CEP170: variants seen among roughly 807,000 people sequenced by gnomAD.
The protein encoded by CEP170 is centrosomal protein 170, also known as centrosomal protein of 170 kDa.
A neutral mutation model predicts 151.9 loss-of-function variants in CEP170; 21 were observed. The ratio of observed to expected loss-of-function variants is 0.14; its 90% confidence interval spans 0.10 to 0.20. The LOEUF (loss-of-function observed/expected upper bound fraction) is 0.20, where lower values mean the gene tolerates loss of function less well. Among genes scored for constraint, CEP170 ranks in the 10% least tolerant of loss-of-function variants. CEP170 has a pLI of 1.00. For synonymous variants in CEP170, 356 were observed against 648.8 expected, an observed-to-expected ratio of 0.55 and a Z score of 6.86; for missense variants, 964 against 1,892.9, an observed-to-expected ratio of 0.51 and a Z score of 9.11.
chr1:243,178,837 G>T (rs2059426939), intron 10 of CEP170, among the ~76,000 whole-genome samples: 1 of 151,876 alleles, frequency 6.6e-6, no homozygotes. Context: ...TCCTGCCTCA[G>T]CCTCCCGAGT....
At chr1:243,244,857 T>G (rs1175811196) in intron 1 of CEP170, among the ~76,000 whole-genome samples, 2 of 152,132 alleles carry the variant, frequency 1.3e-5, no homozygotes, top group Non-Finnish European at 2.9e-5. Flanking sequence ...ATTAACACAC[T>G]TGTATGTAAA....
At chr1:243,246,226 CTT>C (rs774096892) in intron 1 of CEP170, among the ~76,000 whole-genome samples, 8 of 109,448 alleles carry the variant, frequency 7.3e-5, no homozygotes, top group African/African-American at 1.5e-4. Flanking sequence ...GTGTTGTTTA[CTT>C]TTTTTTTTTT....
chr1:243,157,691 G>A (rs930315491), intron 13 of CEP170, among the ~76,000 whole-genome samples: 3 of 152,142 alleles, frequency 2.0e-5, no homozygotes, highest in African/African-American at 7.2e-5. Flanking sequence ...TGCCTTTTAT[G>A]TCTTTTCCTC....
intron 2 of CEP170, among the ~76,000 whole-genome samples, chr1:243,224,520 C>T (rs952009718): frequency 6.6e-6 from 1 of 152,052 alleles, no homozygotes; most frequent in African/African-American, 2.4e-5. Context: ...TTGTGCTGGG[C>T]CGCATTCAAA....
chr1:243,166,293 T>C lies in CEP170; in HGVS notation c.1844-177A>G, dbSNP rs191871313. ...CTTATATAAAGTGGTATAATATTTG[T>C]ATATAACCTACTCACACCCTCCCAT... On this transcript the variant is annotated intron_variant, in intron 12 of 19. Coordinates refer to ENST00000366542, the MANE Select transcript of CEP170 (RefSeq NM_014812.3). 3.6e-3 allele frequency among the ~76,000 whole-genome samples: 550 copies of C among 152,340 alleles called. 1 individual carries two copies. Among genetic ancestry groups the C allele is most frequent in the African/African-American group, 0.013 (522 of 41,568 alleles).
At chr1:243,229,399 A>G (rs755079977) in intron 1 of CEP170, among the ~76,000 whole-genome samples, 128 of 152,010 alleles carry the variant, frequency 8.4e-4, no homozygotes, top group South Asian at 1.5e-3. Context: ...ACGTTTCGGC[A>G]TTTCAGGTAT....
chr1:243,134,445 A>AAC (rs1421631822), intron 17 of CEP170, among the ~76,000 whole-genome samples: 6 of 152,158 alleles, frequency 3.9e-5, no homozygotes, highest in Admixed American at 1.3e-4. Context: ...AAACACCTTC[A>AAC]ACATTATTTA....
chr1:243,221,959 C>T, intron 2 of CEP170, 146 bp from the exon 3 acceptor site: 1 of 608,818 alleles, frequency 1.6e-6, no homozygotes, highest in Non-Finnish European at 2.6e-6. Flanking sequence ...TAAAACGGTG[C>T]CACTATACAA....
At chr1:243,193,550 C>T (rs2148785507) in intron 7 of CEP170, among the ~76,000 whole-genome samples, 1 of 152,204 alleles carries the variant, frequency 6.6e-6, no homozygotes, top group Non-Finnish European at 1.5e-5. Context: ...GGATATAGCA[C>T]TTATCAAGGT....
chr1:243,209,411 T>C (rs1198470139), intron 4 of CEP170, among the ~76,000 whole-genome samples: 1 of 152,072 alleles, frequency 6.6e-6, no homozygotes, highest in African/African-American at 2.4e-5. Flanking sequence ...GGTCTTGAAC[T>C]CCTGACCTCA....
At position 243,252,194 on chromosome 1, in the gene CEP170, T is replaced by C. The variant is rs183048359; in HGVS notation, c.-42+2846A>G. 1.1e-4 allele frequency among the ~76,000 whole-genome samples: 17 copies of C among 152,316 alleles called. No individual in the cohort carries two copies. The East Asian group carries it at 3.3e-3, about 29-fold the overall frequency. ...TCTTCAAATGGCACGTAACTGCTCT[T>C]TTGTTATACTTCCAGAATAATTTGC... On this transcript the variant is annotated intron_variant, in intron 1 of 19. Transcript: ENST00000366542.
intron 10 of CEP170, among the ~76,000 whole-genome samples, chr1:243,179,884 A>G (rs2059505794): frequency 6.6e-6 from 1 of 152,240 alleles, no homozygotes; most frequent in Non-Finnish European, 1.5e-5. Flanking sequence ...AAAACACAAC[A>G]TGGCAATCTG....
chr1:243,245,517 C>A (rs2065292164), intron 1 of CEP170, among the ~76,000 whole-genome samples: 1 of 152,050 alleles, frequency 6.6e-6, no homozygotes, highest in Non-Finnish European at 1.5e-5. Flanking sequence ...AGTTCAAGAC[C>A]AGCCTGACCA....
At chr1:243,178,047 G>A (rs2059363974) in intron 10 of CEP170, among the ~76,000 whole-genome samples, 1 of 152,124 alleles carries the variant, frequency 6.6e-6, no homozygotes, top group Admixed American at 6.5e-5. Context: ...AAAGGAATGG[G>A]CAGGGAGTGG....
intron 1 of CEP170, among the ~76,000 whole-genome samples, chr1:243,242,441 A>C (rs2064944774): frequency 6.6e-6 from 1 of 151,614 alleles, no homozygotes; most frequent in Non-Finnish European, 1.5e-5. Context: ...GATGGTCTCG[A>C]TCTCCTGACC....
chr1:243,181,199 G>A (rs2059596110), intron 10 of CEP170, among the ~76,000 whole-genome samples: 1 of 152,138 alleles, frequency 6.6e-6, no homozygotes, highest in Non-Finnish European at 1.5e-5. Flanking sequence ...AGAAGAAACT[G>A]GTACTGTGAT....
intron 3 of CEP170, among the ~76,000 whole-genome samples, chr1:243,218,841 C>A (rs1472571707): frequency 6.6e-6 from 1 of 152,118 alleles, no homozygotes; most frequent in Non-Finnish European, 1.5e-5. Flanking sequence ...TTTATTATTT[C>A]TATTTTTTAA....
intron 13 of CEP170, among the ~76,000 whole-genome samples, chr1:243,160,405 T>A (rs1335621893): frequency 1.3e-5 from 2 of 152,076 alleles, no homozygotes; most frequent in African/African-American, 2.4e-5. Context: ...ACAGCATTCA[T>A]TACAAAATTT....
chr1:243,148,059 G>T (rs79629854), intron 14 of CEP170, among the ~76,000 whole-genome samples: 1 of 151,718 alleles, frequency 6.6e-6, no homozygotes, highest in Admixed American at 6.6e-5. Flanking sequence ...TGCGCCTGTA[G>T]TCCCAGCTAC....
Sources: gnomAD v4.1 joint callset for allele counts (sites outside exome capture counted in the v4.1 genomes callset) on GRCh38, gnomAD v4.1.1 for gene constraint, MANE v1.5 for transcripts, NCBI Gene and HGNC (gene_info 2026-07-23, HGNC 2026-07-21) for gene names.